The following CDKAL1 variants were observed in gnomAD, a reference collection of about 807,000 sequenced individuals.
CDKAL1 encodes the protein threonylcarbamoyladenosine tRNA methylthiotransferase.
A neutral mutation model predicts 68.2 loss-of-function variants in CDKAL1; 32 were observed. The observed-to-expected ratio is 0.47, with a 90% CI of 0.35 to 0.63. CDKAL1 has a LOEUF of 0.63. CDKAL1 is among the 30% of genes least tolerant of loss of function. CDKAL1 has a pLI of 0.00. For synonymous variants in CDKAL1, 234 were observed against 244.3 expected (o/e 0.96, Z 0.39); for missense variants, 606 against 696.7 (o/e 0.87, Z 1.47).
At chr6:20,694,204 A>ACAAG (rs977738107) in intron 5 of CDKAL1, among the ~76,000 whole-genome samples, 7 of 151,348 alleles carry the variant, frequency 4.6e-5, no homozygotes, top group African/African-American at 1.5e-4. Context: ...AAACAAGCAA[A>ACAAG]CAAACAAACG....
At chr6:21,091,099 A>G (rs1772985386) in intron 12 of CDKAL1, among the ~76,000 whole-genome samples, 1 of 152,110 alleles carries the variant, frequency 6.6e-6, no homozygotes, top group African/African-American at 2.4e-5. Flanking sequence ...ACAATTCTTC[A>G]AAGAGTAAGT....
At chr6:21,013,285 CCTCT>C (rs1346241896) in intron 11 of CDKAL1, among the ~76,000 whole-genome samples, 1 of 151,962 alleles carries the variant, frequency 6.6e-6, no homozygotes, top group South Asian at 2.1e-4. Context: ...AAAGCTGTTT[CCTCT>C]CTCTCTCTTT....
intron 13 of CDKAL1, among the ~76,000 whole-genome samples, chr6:21,174,347 TC>T (rs1777501370): frequency 6.6e-6 from 1 of 152,170 alleles, no homozygotes; most frequent in Non-Finnish European, 1.5e-5. Context: ...ATAATCTTAG[TC>T]AAAAGTTCAA....
chr6:20,968,302 G>C (rs375629869), intron 10 of CDKAL1, among the ~76,000 whole-genome samples: 1 of 151,806 alleles, frequency 6.6e-6, no homozygotes, highest in African/African-American at 2.4e-5. Context: ...GGGGCTACAG[G>C]TGTGTGCCAC....
intron 5 of CDKAL1, among the ~76,000 whole-genome samples, chr6:20,736,639 G>T (rs1450958649): frequency 4.6e-5 from 7 of 152,006 alleles, no homozygotes; most frequent in Admixed American, 4.6e-4. Context: ...GGGCCTGGTG[G>T]TGGGCACCTG....
intron 4 of CDKAL1, among the ~76,000 whole-genome samples, chr6:20,616,898 G>A (rs1355054026): frequency 8.0e-6 from 1 of 125,776 alleles, no homozygotes; most frequent in Admixed American, 7.8e-5. Context: ...AAATTAGCTG[G>A]ACATGATGGT....
intron 5 of CDKAL1, among the ~76,000 whole-genome samples, chr6:20,680,535 C>T (rs1246267796): frequency 1.3e-5 from 2 of 152,150 alleles, no homozygotes; most frequent in East Asian, 1.9e-4. Flanking sequence ...TCCTTACATT[C>T]GGTGCTCAAA....
intron 9 of CDKAL1, among the ~76,000 whole-genome samples, chr6:20,914,328 C>T (rs185928603): frequency 5.9e-5 from 9 of 152,190 alleles, no homozygotes; most frequent in East Asian, 1.9e-4. Flanking sequence ...ATGTTATACC[C>T]GCATGCCATT....
intron 4 of CDKAL1, among the ~76,000 whole-genome samples, chr6:20,608,163 C>G (rs1408320216): frequency 6.6e-6 from 1 of 152,076 alleles, no homozygotes; most frequent in Non-Finnish European, 1.5e-5. Context: ...ATATAAACAG[C>G]ATTATTATCC....
intron 13 of CDKAL1, among the ~76,000 whole-genome samples, chr6:21,145,716 C>T (rs1205942063): frequency 6.6e-6 from 1 of 152,216 alleles, no homozygotes; most frequent in Non-Finnish European, 1.5e-5. Context: ...ACCTGGATAA[C>T]GTAGCAGGAT....
rs530496626 is a variant in CDKAL1, at chr6:20,949,126, T to C, written c.743-6293T>C. Among the ~76,000 whole-genome samples, 17 of 152,320 alleles carry C rather than the reference T, an allele frequency of 1.1e-4. No individual in the cohort carries two copies. The South Asian group carries it at 3.5e-3, about 32-fold the overall frequency. On this transcript the variant is annotated intron_variant, in intron 9 of 15. Transcript: ENST00000274695. ...TTATTAAGGCAATAAAAAATAGTGT[T>C]AAAGTTTGTTTTCTGAGTATTGATC...
chr6:20,561,239 C>T (rs920893155), intron 4 of CDKAL1, among the ~76,000 whole-genome samples: 20 of 151,682 alleles, frequency 1.3e-4, no homozygotes, highest in African/African-American at 4.4e-4. Flanking sequence ...GTCAGGAGTT[C>T]GAGACCAGCC....
chr6:20,755,439 T>A (rs1774126303), intron 6 of CDKAL1, among the ~76,000 whole-genome samples: 2 of 152,184 alleles, frequency 1.3e-5, no homozygotes, highest in Non-Finnish European at 2.9e-5. Context: ...CTTCCTTTTT[T>A]TCCCCTTCAT....
intron 9 of CDKAL1, among the ~76,000 whole-genome samples, chr6:20,948,948 A>G (rs1483316903): frequency 6.6e-6 from 1 of 152,222 alleles, no homozygotes; most frequent in African/African-American, 2.4e-5. Flanking sequence ...ATGGAAATAA[A>G]CAGTATTCTT....
chr6:20,806,681 G>A (rs993711362), intron 8 of CDKAL1, among the ~76,000 whole-genome samples: 6 of 151,844 alleles, frequency 4.0e-5, no homozygotes, highest in African/African-American at 9.7e-5. Context: ...GGTCTGAGAT[G>A]GTATCTCAGA....
chr6:21,115,307 A>G (rs1774353410), intron 13 of CDKAL1, among the ~76,000 whole-genome samples: 1 of 152,220 alleles, frequency 6.6e-6, no homozygotes, highest in African/African-American at 2.4e-5. Flanking sequence ...TTTGAATAAC[A>G]TAATGTAGCA....
Position 20,765,366 on chromosome 6 carries a change from C to T in CDKAL1, c.517+6723C>T, listed in dbSNP as rs1474476195. Among the ~76,000 whole-genome samples, 3 of 104,136 alleles carry T rather than the reference C, an allele frequency of 2.9e-5. 1 individual carries two copies. The highest frequency in any genetic ancestry group is 9.3e-4 in the East Asian group (2 of 2,156). 68.3% of individuals were successfully genotyped at this position (104,136 alleles called of 152,430 possible). ...AGAGACGGGGTTTCACCGTTTTAGC[C>T]GGGATGGTCTCGATCTCCTGACCTC... On this transcript the variant is annotated intron_variant, in intron 7 of 15. Coordinates refer to ENST00000274695, the MANE Select transcript of CDKAL1 (RefSeq NM_017774.3).
In CDKAL1 at chr6:21,171,507, A is replaced by G. The variant is rs892033766; in HGVS notation, c.1300-26514A>G. 2.6e-5 allele frequency among the ~76,000 whole-genome samples: 4 copies of G among 152,224 alleles called. No individual in the cohort carries two copies. The South Asian group carries it at 6.2e-4, about 24-fold the overall frequency. On this transcript the variant is annotated intron_variant, in intron 13 of 15. Transcript: ENST00000274695. ...GATTACAGGCTGAGCCACCCTGCCC[A>G]GCCAGTTACTTCTAAAAATCATACT...
At chr6:21,088,206 A>G (rs1772807443) in intron 12 of CDKAL1, among the ~76,000 whole-genome samples, 2 of 152,194 alleles carry the variant, frequency 1.3e-5, no homozygotes, top group Admixed American at 1.3e-4. Flanking sequence ...CTATCAGAGA[A>G]AAACGGGTTC....
Sources: gnomAD v4.1 joint callset for allele counts (sites outside exome capture counted in the v4.1 genomes callset) on GRCh38, gnomAD v4.1.1 for gene constraint, MANE v1.5 for transcripts, NCBI Gene and HGNC (gene_info 2026-07-23, HGNC 2026-07-21) for gene names.